Variants in MTMR9 observed in about 807,000 individuals in gnomAD.
MTMR9 encodes myotubularin related protein 9, also known as myotubularin-related protein 9.
A neutral mutation model predicts 69.5 loss-of-function variants in MTMR9; 39 were observed. That is an observed-to-expected ratio of 0.56 (90% CI 0.43 to 0.73). MTMR9 has a LOEUF of 0.73. Among genes scored for constraint, MTMR9 ranks in the 30% least tolerant of loss-of-function variants. The pLI is 0.00. For synonymous variants in MTMR9, 354 were observed against 240.8 expected (o/e 1.47, Z -4.35); for missense variants, 900 against 671.2 (o/e 1.34, Z -3.77).
downstream of MTMR9, among the ~76,000 whole-genome samples, chr8:11,329,513 G>A (rs1260685568): frequency 2.0e-5 from 3 of 152,232 alleles, no homozygotes; most frequent in Non-Finnish European, 4.4e-5. Context: ...ACAGGGTTTC[G>A]CTGTGTTGGC....
At chr8:11,286,464 A>G (rs1799161026) in intron 1 of MTMR9, among the ~76,000 whole-genome samples, 1 of 151,678 alleles carries the variant, frequency 6.6e-6, no homozygotes, top group South Asian at 2.1e-4. Context: ...TAGGAGTTTG[A>G]GACCAGCCTG....
chr8:11,338,542 A>G, the MTMR9 span, among the ~76,000 whole-genome samples: 1 of 152,168 alleles, frequency 6.6e-6, no homozygotes, highest in South Asian at 2.1e-4. Context: ...CTGTAATGGG[A>G]AGCAAAGCTG....
intron 7 of MTMR9, 148 bp downstream of exon 7, chr8:11,315,212 TCTC>T (rs1800366401): frequency 7.3e-6 from 7 of 962,274 alleles, no homozygotes; most frequent in Non-Finnish European, 9.3e-6. Flanking sequence ...TAATCTGTCT[TCTC>T]CTTGTTTCTG....
At chr8:11,292,790 C>A (rs1015962703) in intron 1 of MTMR9, among the ~76,000 whole-genome samples, 1 of 152,100 alleles carries the variant, frequency 6.6e-6, no homozygotes, top group Non-Finnish European at 1.5e-5. Flanking sequence ...TTATAATGGA[C>A]CTGAAAAGTT....
At chr8:11,314,461 G>A (rs565093417) in intron 6 of MTMR9, among the ~76,000 whole-genome samples, 1 of 152,136 alleles carries the variant, frequency 6.6e-6, no homozygotes, top group Non-Finnish European at 1.5e-5. Context: ...TTATGAAGGT[G>A]TCCTTATAGT....
chr8:11,290,694 A>G (rs1799351033), intron 1 of MTMR9, among the ~76,000 whole-genome samples: 1 of 151,974 alleles, frequency 6.6e-6, no homozygotes, highest in South Asian at 2.1e-4. Flanking sequence ...TGACAACCCA[A>G]CCTTGGCTGG....
chr8:11,308,766 A>G (rs1351274540), intron 5 of MTMR9, among the ~76,000 whole-genome samples: 1 of 152,124 alleles, frequency 6.6e-6, no homozygotes, highest in Admixed American at 6.6e-5. Flanking sequence ...ACCTTCAGCT[A>G]AAGGTTTGTT....
intron 1 of MTMR9, among the ~76,000 whole-genome samples, chr8:11,287,065 T>G (rs1214481669): frequency 6.6e-6 from 1 of 152,258 alleles, no homozygotes; most frequent in African/African-American, 2.4e-5. Context: ...ATGAGCCTGT[T>G]ACCTGTCTAT....
At position 11,300,159 on chromosome 8, in the gene MTMR9, T is replaced by A. The variant is rs1159585365; in HGVS notation, c.417+11T>A. The A allele has an allele frequency of 6.2e-7, 1 of 1,611,694 alleles. No individual in the cohort carries two copies. The highest frequency in any genetic ancestry group is 1.1e-5 in the South Asian group (1 of 91,016). ...CTCTATTCTTCAGCTGTGAGTTAAC[T>A]TTTGAGAACTGTGGATTATGAGAAG... On this transcript the variant is annotated intron_variant, in intron 3 of 9. Coordinates refer to ENST00000221086, the MANE Select transcript of MTMR9 (RefSeq NM_015458.4).
downstream of MTMR9, chr8:11,330,924 A>G: frequency 1.0e-6 from 1 of 965,734 alleles, no homozygotes. Context: ...TAAAAAAAAA[A>G]AAAAGAAAGA....
intron 1 of MTMR9, among the ~76,000 whole-genome samples, chr8:11,290,937 C>A (rs1026696988): frequency 6.8e-6 from 1 of 147,926 alleles, no homozygotes; most frequent in Non-Finnish European, 1.5e-5. Context: ...GGAAAACTTG[C>A]TATGTTCATG....
At chr8:11,285,591 C>G (rs749882598) in intron 1 of MTMR9, among the ~76,000 whole-genome samples, 2 of 152,132 alleles carry the variant, frequency 1.3e-5, no homozygotes, top group African/African-American at 4.8e-5. Context: ...TTAATTCTCA[C>G]TAAGGGAGAT....
intron 8 of MTMR9, 73 bp from the exon 9 acceptor site, chr8:11,319,614 C>T (rs1800579392): frequency 6.8e-7 from 1 of 1,464,640 alleles, no homozygotes; most frequent in Non-Finnish European, 9.5e-7. Flanking sequence ...AAGAAATTGT[C>T]CTCGTAAGAG....
rs201441814 is a variant in MTMR9 at position 11,284,860 on chromosome 8, C to G, written c.-29C>G. 8.4e-6 allele frequency: 13 copies of G among 1,552,940 alleles called. No individual in the cohort carries two copies. The East Asian group carries it at 2.5e-4, about 29-fold the overall frequency. On this transcript the variant is annotated 5_prime_UTR_variant, in exon 1 of 10. Coordinates refer to ENST00000221086, the MANE Select transcript of MTMR9 (RefSeq NM_015458.4). ...GTAACCGCCTCGCACCTACCGGGCT[C>G]GGTTCCCTGGCTCCGGCCGCGGGGG...
the MTMR9 span, among the ~76,000 whole-genome samples, chr8:11,338,699 AC>A: frequency 2.0e-5 from 3 of 152,230 alleles, no homozygotes; most frequent in African/African-American, 4.8e-5. Flanking sequence ...TTGAAGGCTG[AC>A]GTCAGCTGGC....
chr8:11,285,982 C>G (rs1283286849), intron 1 of MTMR9, among the ~76,000 whole-genome samples: 1 of 109,180 alleles, frequency 9.2e-6, no homozygotes, highest in Non-Finnish European at 1.7e-5. Context: ...GAGACGAAAT[C>G]TCACTGTATT....
downstream of MTMR9, chr8:11,332,328 C>G: frequency 1.1e-6 from 1 of 923,226 alleles, no homozygotes. Flanking sequence ...AGAAATCTGG[C>G]TTATTTACAG....
chr8:11,329,180 G>T (rs1019547849), downstream of MTMR9, among the ~76,000 whole-genome samples: 1 of 152,090 alleles, frequency 6.6e-6, no homozygotes, highest in Non-Finnish European at 1.5e-5. Context: ...GATCACATAG[G>T]GCCAGGAGTT....
Position 11,321,185 on chromosome 8 carries a change from G to T in MTMR9, c.1486+1347G>T, listed in dbSNP as rs562422342. 2.8e-5 allele frequency: 8 copies of T among 286,958 alleles called. No individual in the cohort carries two copies. In the East Asian group the frequency reaches 6.6e-4, roughly 24 times the overall value. The allele number at this position is 286,958 out of a possible 1,614,324, so 17.8% of individuals were successfully genotyped here. Reference sequence around the variant, plus strand: ...TATCTATTGAAGTGTCCCCTAGTTAGCATTGTGGGGAAATGGTCTTAGATG... The same window carrying T: ...TATCTATTGAAGTGTCCCCTAGTTATCATTGTGGGGAAATGGTCTTAGATG... On this transcript the variant is annotated intron_variant, in intron 9 of 9. Transcript: ENST00000221086.
Sources: allele counts gnomAD v4.1 joint callset (sites outside exome capture counted in the v4.1 genomes callset), GRCh38; gene constraint gnomAD v4.1.1; transcripts MANE v1.5; gene names NCBI Gene and HGNC (gene_info 2026-07-23, HGNC 2026-07-21).